The following UBE2E2 variants were observed in gnomAD, a reference collection of about 807,000 sequenced individuals.
UBE2E2 encodes ubiquitin-conjugating enzyme E2 E2.
A neutral mutation model predicts 24.7 loss-of-function variants in UBE2E2; 6 were observed. The observed-to-expected ratio is 0.24, with a 90% CI of 0.13 to 0.48. The LOEUF is 0.48. UBE2E2 is among the 20% of genes least tolerant of loss of function. UBE2E2 has a pLI of 0.99. For synonymous variants in UBE2E2, 104 were observed against 83.6 expected, an observed-to-expected ratio of 1.24 and a Z score of -1.33; for missense variants, 169 against 245.0, an observed-to-expected ratio of 0.69 and a Z score of 2.07.
intron 3 of UBE2E2, among the ~76,000 whole-genome samples, chr3:23,228,819 G>A (rs903264349): frequency 6.6e-6 from 1 of 152,278 alleles, no homozygotes; most frequent in East Asian, 1.9e-4. Flanking sequence ...ATCAGGCAAA[G>A]CCATAAGCTA....
At chr3:23,403,673 A>C (rs1003741716) in intron 3 of UBE2E2, among the ~76,000 whole-genome samples, 2 of 152,178 alleles carry the variant, frequency 1.3e-5, no homozygotes, top group African/African-American at 4.8e-5. Flanking sequence ...AAAATGCAAA[A>C]ATTAGCTGGA....
chr3:23,579,589 A>C (rs1696429166), intron 5 of UBE2E2, among the ~76,000 whole-genome samples: 1 of 150,652 alleles, frequency 6.6e-6, no homozygotes, highest in South Asian at 2.1e-4. Flanking sequence ...AGTCCTAACT[A>C]CTTGGGAGAC....
At chr3:23,380,544 G>A (rs907457726) in intron 3 of UBE2E2, among the ~76,000 whole-genome samples, 3 of 152,154 alleles carry the variant, frequency 2.0e-5, no homozygotes, top group Non-Finnish European at 4.4e-5. Flanking sequence ...TCTTTAGCAG[G>A]CCTCCCTGCC....
chr3:23,240,126 T>A (rs1000020932), intron 3 of UBE2E2, among the ~76,000 whole-genome samples: 6 of 152,170 alleles, frequency 3.9e-5, no homozygotes, highest in Non-Finnish European at 7.4e-5. Context: ...CTGCTTATTA[T>A]TTAAGGTTAG....
intron 5 of UBE2E2, among the ~76,000 whole-genome samples, chr3:23,568,593 A>G (rs1020920028): frequency 3.5e-5 from 3 of 86,664 alleles, no homozygotes; most frequent in African/African-American, 1.4e-4. Context: ...AATTATATAC[A>G]TATATATGTA....
At chr3:23,401,273 C>T (rs749790142) in intron 3 of UBE2E2, among the ~76,000 whole-genome samples, 2 of 152,116 alleles carry the variant, frequency 1.3e-5, no homozygotes, top group Non-Finnish European at 2.9e-5. Flanking sequence ...AGTTAGAATA[C>T]AAAACACTTT....
chr3:23,356,601 C>G (rs1559359850), intron 3 of UBE2E2, among the ~76,000 whole-genome samples: 1 of 152,166 alleles, frequency 6.6e-6, no homozygotes, highest in African/African-American at 2.4e-5. Context: ...TCTCATCTTT[C>G]TTTTATGTAT....
At chr3:23,467,482 T>G (rs1698945661) in intron 3 of UBE2E2, among the ~76,000 whole-genome samples, 1 of 152,222 alleles carries the variant, frequency 6.6e-6, no homozygotes, top group Non-Finnish European at 1.5e-5. Flanking sequence ...AATTGGCGCC[T>G]GACTGAGCCT....
chr3:23,487,400 C>T lies in UBE2E2; in HGVS notation c.228-12208C>T, dbSNP rs1370245320. ...AGTGCAGGCTCCCACCCTACCAACT[C>T]GGTAGGGTCCGGGGCTCCCACTGGG... On this transcript the variant is annotated intron_variant, in intron 3 of 5. Transcript: ENST00000396703. Among the ~76,000 whole-genome samples the T allele has an allele frequency of 4.6e-5, 7 of 152,186 alleles. No individual in the cohort carries two copies. The East Asian group carries it at 5.8e-4, about 13-fold the overall frequency.
At chr3:23,584,556 C>CT (rs71947394) in intron 5 of UBE2E2, among the ~76,000 whole-genome samples, 38,686 of 144,754 alleles carry the variant, frequency 0.27, 5,532 homozygotes, top group African/African-American at 0.38. Flanking sequence ...ATATGACAAT[C>CT]TTTTTTTTTT....
At chr3:23,340,569 C>T (rs4858506) in intron 3 of UBE2E2, among the ~76,000 whole-genome samples, 2 of 151,856 alleles carry the variant, frequency 1.3e-5, no homozygotes, top group East Asian at 1.9e-4. Flanking sequence ...TAAAAAGACA[C>T]GTGAAAACCA....
intron 5 of UBE2E2, among the ~76,000 whole-genome samples, chr3:23,543,633 A>G (rs1695449109): frequency 6.6e-6 from 1 of 152,140 alleles, no homozygotes; most frequent in Non-Finnish European, 1.5e-5. Context: ...TGTGAAAATG[A>G]CCATACTGCC....
At chr3:23,549,478 T>C (rs909158542) in intron 5 of UBE2E2, among the ~76,000 whole-genome samples, 7 of 152,214 alleles carry the variant, frequency 4.6e-5, no homozygotes, top group Non-Finnish European at 8.8e-5. Flanking sequence ...TACTGAGTTT[T>C]GAAGCTGTCA....
intron 3 of UBE2E2, among the ~76,000 whole-genome samples, chr3:23,333,259 G>T (rs183161594): frequency 6.6e-6 from 1 of 152,174 alleles, no homozygotes; most frequent in South Asian, 2.1e-4. Flanking sequence ...CAATTTAAAT[G>T]TTTCTTAAAT....
intron 3 of UBE2E2, among the ~76,000 whole-genome samples, chr3:23,477,660 T>C (rs140628204): frequency 7.9e-5 from 12 of 152,342 alleles, no homozygotes; most frequent in Middle Eastern, 3.4e-3. Flanking sequence ...TTTTTACTTA[T>C]CATGTTTTGA....
At chr3:23,288,439 A>G (rs1433576990) in intron 3 of UBE2E2, among the ~76,000 whole-genome samples, 1 of 152,156 alleles carries the variant, frequency 6.6e-6, no homozygotes, top group African/African-American at 2.4e-5. Context: ...CATTTTGTCT[A>G]CAGTGCTGAT....
At chr3:23,312,522 C>T (rs1694437312) in intron 3 of UBE2E2, among the ~76,000 whole-genome samples, 1 of 151,968 alleles carries the variant, frequency 6.6e-6, no homozygotes, top group Non-Finnish European at 1.5e-5. Context: ...CCCAATCATC[C>T]CCCTACCCTT....
At chr3:23,468,550 G>T (rs1407052571) in intron 3 of UBE2E2, among the ~76,000 whole-genome samples, 1 of 152,158 alleles carries the variant, frequency 6.6e-6, no homozygotes, top group East Asian at 1.9e-4. Context: ...CCCAGTAATG[G>T]AAATGTAATG....
chr3:23,352,227 C>G (rs1050725012), intron 3 of UBE2E2, among the ~76,000 whole-genome samples: 1 of 151,814 alleles, frequency 6.6e-6, no homozygotes, highest in Admixed American at 6.6e-5. Context: ...GGGACACATT[C>G]AAAGCAGTGT....
Sources: allele counts gnomAD v4.1 joint callset (sites outside exome capture counted in the v4.1 genomes callset), GRCh38; gene constraint gnomAD v4.1.1; transcripts MANE v1.5; gene names NCBI Gene and HGNC (gene_info 2026-07-23, HGNC 2026-07-21).